TPGS2: variants seen among roughly 807,000 people sequenced by gnomAD.
TPGS2 encodes the protein tubulin polyglutamylase complex subunit 2.
Under a neutral mutation model 31.1 loss-of-function variants are expected in TPGS2, and 26 were observed. That is an observed-to-expected ratio of 0.84 (90% CI 0.61 to 1.16). TPGS2 has a LOEUF of 1.16. Among genes scored for constraint, TPGS2 ranks in the 50% most tolerant of loss-of-function variants. The pLI, the probability that TPGS2 is intolerant of heterozygous loss-of-function variation, is 0.00. For missense variants in TPGS2, 351 were observed against 363.8 expected, an observed-to-expected ratio of 0.96 and a Z score of 0.29; for synonymous variants, 130 against 136.6, an observed-to-expected ratio of 0.95 and a Z score of 0.34.
intron 1 of TPGS2, among the ~76,000 whole-genome samples, chr18:36,824,816 T>C (rs911423992): frequency 1.3e-5 from 2 of 152,242 alleles, no homozygotes; most frequent in African/African-American, 4.8e-5. Context: ...GTCACTTTCT[T>C]GACTATATCC....
At chr18:36,797,556 A>G (rs1272956098) in intron 6 of TPGS2, among the ~76,000 whole-genome samples, 1 of 148,872 alleles carries the variant, frequency 6.7e-6, no homozygotes, top group African/African-American at 2.5e-5. Context: ...GGGCATCCAC[A>G]TTTATTTACC....
chr18:36,799,353 C>T (rs1303169696), intron 5 of TPGS2, among the ~76,000 whole-genome samples: 5 of 152,188 alleles, frequency 3.3e-5, no homozygotes, highest in African/African-American at 1.2e-4. Flanking sequence ...GCATCAGAGA[C>T]AGCAATTAGC....
At chr18:36,792,626 CT>C (rs2044354160), downstream of TPGS2, among the ~76,000 whole-genome samples, 1 of 152,126 alleles carries the variant, frequency 6.6e-6, no homozygotes, top group Admixed American at 6.5e-5. Flanking sequence ...GATTAAAAAT[CT>C]TGATGGCTGG....
At chr18:36,807,674 C>T in intron 3 of TPGS2, 173 bp downstream of exon 3, 1 of 614,954 alleles carries the variant, frequency 1.6e-6, no homozygotes. Context: ...GTGGGTGAAG[C>T]AATGATGGCA....
intron 2 of TPGS2, among the ~76,000 whole-genome samples, chr18:36,810,253 G>C (rs2045359328): frequency 6.6e-6 from 1 of 152,164 alleles, no homozygotes; most frequent in South Asian, 2.1e-4. Flanking sequence ...CAGGAAGAAA[G>C]GTTCACAACC....
chr18:36,828,621 A>T (rs537938602), intron 1 of TPGS2, 62 bp downstream of exon 1: 559 of 1,582,540 alleles, frequency 3.5e-4, no homozygotes, highest in Admixed American at 4.9e-4. Context: ...CCCGCACCTC[A>T]TCCCTCCGCT....
intron 2 of TPGS2, among the ~76,000 whole-genome samples, chr18:36,818,035 C>T (rs2045731692): frequency 6.6e-6 from 1 of 152,096 alleles, no homozygotes; most frequent in African/African-American, 2.4e-5. Context: ...CCTATGAAGC[C>T]CTAAATGTCC....
At position 36,795,037 on chromosome 18, in the gene TPGS2, A is replaced by G; in HGVS notation, c.*1768T>C. The G allele has an allele frequency of 3.0e-6, 3 of 985,424 alleles. No individual in the cohort carries two copies. Among genetic ancestry groups the G allele is most frequent in the Non-Finnish European group, 3.6e-6 (3 of 829,934 alleles). 61.0% of individuals were successfully genotyped at this position (985,424 alleles called of 1,614,324 possible). A position where few individuals can be genotyped will look rare whatever the true frequency, so the allele number is the denominator to read the frequency against. On this transcript the variant is annotated 3_prime_UTR_variant, in exon 7 of 7. Transcript: ENST00000334295. The stretch of plus-strand genomic sequence containing the variant: ...CGCTGATATTTCAAGACTTTGAACT[A>G]TTACAAATATGGGGAAGCAGCCAGT...
downstream of TPGS2, chr18:36,781,706 A>G (rs2044021000): frequency 1.1e-6 from 1 of 944,594 alleles, no homozygotes; most frequent in African/African-American, 1.8e-5. Context: ...ATTTATAGGC[A>G]ATGTGCAGTA....
chr18:36,823,460 G>GTTTTTTTTTTTTTTTTT lies in TPGS2; in HGVS notation c.86-4504_86-4488dup, dbSNP rs919277214. On this transcript the variant is annotated intron_variant, in intron 1 of 6. Coordinates refer to ENST00000334295, the MANE Select transcript of TPGS2 (RefSeq NM_015476.4). ...TCTCTGACTTCCTTGTTAACAGCTT[G>GTTTTTTTTTTTTTTTTT]TTTTTTTTTTTTTTTTTTGAGACGG... Among the ~76,000 whole-genome samples, 219 of 108,076 alleles carry GTTTTTTTTTTTTTTTTT rather than the reference G, an allele frequency of 2.0e-3. 20 individuals carry two copies. The highest frequency in any genetic ancestry group is 3.4e-3 in the Non-Finnish European group (184 of 54,584). 70.9% of individuals were successfully genotyped at this position (108,076 alleles called of 152,430 possible). A position where few individuals can be genotyped will look rare whatever the true frequency, so the allele number is the denominator to read the frequency against.
chr18:36,816,772 C>A (rs1183617031), intron 2 of TPGS2, among the ~76,000 whole-genome samples: 1 of 152,138 alleles, frequency 6.6e-6, no homozygotes, highest in Admixed American at 6.5e-5. Flanking sequence ...TCACGCCCGG[C>A]TAATTTTTGT....
intron 2 of TPGS2, chr18:36,818,688 T>C (rs1362941323): frequency 1.2e-5 from 6 of 489,020 alleles, no homozygotes; most frequent in Non-Finnish European, 2.2e-5. Context: ...AGAGTGGGGC[T>C]CAGGGGAAAC....
chr18:36,792,009 C>T (rs903369422), downstream of TPGS2, among the ~76,000 whole-genome samples: 1 of 129,484 alleles, frequency 7.7e-6, no homozygotes, highest in Non-Finnish European at 1.6e-5. Flanking sequence ...GCCTGGGCAA[C>T]AGAGTGAGAC....
In TPGS2 at chr18:36,795,524, A is replaced by G. The variant is rs11659465; in HGVS notation, c.*1281T>C. ...ACTTTCCCTGTTGGGAAGCAGGGTG[A>G]AGGCCTTGCTTCTGCCCACAGCCAG... On this transcript the variant is annotated 3_prime_UTR_variant, in exon 7 of 7. Coordinates refer to ENST00000334295, the MANE Select transcript of TPGS2 (RefSeq NM_015476.4). The G allele has an allele frequency of 0.15, 145,730 of 985,370 alleles. 11,463 individuals carry two copies. The highest frequency in any genetic ancestry group is 0.17 in the Admixed American group (2,781 of 16,276). 61.0% of individuals were successfully genotyped at this position (985,370 alleles called of 1,614,324 possible).
chr18:36,781,406 C>A (rs2044011449), downstream of TPGS2, among the ~76,000 whole-genome samples: 1 of 152,166 alleles, frequency 6.6e-6, no homozygotes, highest in Non-Finnish European at 1.5e-5. Flanking sequence ...GTAATCCCAG[C>A]ACTTTGGGAG....
intron 2 of TPGS2, among the ~76,000 whole-genome samples, chr18:36,816,437 T>C (rs1176622692): frequency 6.6e-6 from 1 of 152,216 alleles, no homozygotes; most frequent in African/African-American, 2.4e-5. Flanking sequence ...CTCTAAGGAC[T>C]GTATGGTACA....
Position 36,796,564 on chromosome 18 carries a change from T to C in TPGS2, c.*241A>G. On this transcript the variant is annotated 3_prime_UTR_variant, in exon 7 of 7. Transcript: ENST00000334295. ...GAAGAGGAAAGCACTCAGACTTATTTGGGCACTTACACAAGATTCCAAATT... is the reference window on the plus strand; with the variant it reads ...GAAGAGGAAAGCACTCAGACTTATTCGGGCACTTACACAAGATTCCAAATT... The C allele has an allele frequency of 2.3e-6, 3 of 1,310,496 alleles. No individual in the cohort carries two copies. The highest frequency in any genetic ancestry group is 2.9e-6 in the Non-Finnish European group (3 of 1,036,120). The allele number at this position is 1,310,496 out of a possible 1,614,324, so 81.2% of individuals were successfully genotyped here.
rs567180480 is a variant in TPGS2 at position 36,810,201 on chromosome 18, C to T, written c.166-2267G>A. ...GGCAGTTGCTGGGCCTGCAGTTCTC[C>T]AGCCTTCCTACTGCATGTAGCTCTT... On this transcript the variant is annotated intron_variant, in intron 2 of 6. Coordinates refer to ENST00000334295, the MANE Select transcript of TPGS2 (RefSeq NM_015476.4). Among the ~76,000 whole-genome samples, 5 of 152,304 alleles carry T rather than the reference C, an allele frequency of 3.3e-5. No individual in the cohort carries two copies. In the East Asian group the frequency reaches 7.7e-4, roughly 24 times the overall value.
chr18:36,794,530 T>G lies in TPGS2; in HGVS notation c.*2275A>C. On this transcript the variant is annotated 3_prime_UTR_variant, in exon 7 of 7. Transcript: ENST00000334295. ...CAAGTACTAAAAAAGGGGTATCTGCTGCAGTGGAAGATGACATAACTTCTC... is the reference window on the plus strand; with the variant it reads ...CAAGTACTAAAAAAGGGGTATCTGCGGCAGTGGAAGATGACATAACTTCTC... The G allele has an allele frequency of 1.0e-6, 1 of 985,464 alleles. No individual in the cohort carries two copies. Among genetic ancestry groups the G allele is most frequent in the South Asian group, 4.7e-5 (1 of 21,284 alleles). The allele number at this position is 985,464 out of a possible 1,614,324, so 61.0% of individuals were successfully genotyped here. A position where few individuals can be genotyped will look rare whatever the true frequency, so the allele number is the denominator to read the frequency against.
Sources: allele counts gnomAD v4.1 joint callset (sites outside exome capture counted in the v4.1 genomes callset), GRCh38; gene constraint gnomAD v4.1.1; transcripts MANE v1.5; gene names NCBI Gene and HGNC (gene_info 2026-07-23, HGNC 2026-07-21).